Variants in LRRK2 observed in about 807,000 individuals in gnomAD.
LRRK2 encodes leucine rich repeat kinase 2.
A neutral mutation model predicts 302.6 loss-of-function variants in LRRK2; 203 were observed. The observed-to-expected ratio is 0.67, with a 90% CI of 0.60 to 0.75. LRRK2 has a LOEUF of 0.75. Ranked by LOEUF, LRRK2 falls within the 30% of genes least tolerant of loss-of-function variation. The pLI, the probability that LRRK2 is intolerant of heterozygous loss-of-function variation, is 0.00. For missense variants in LRRK2, 2,830 were observed against 2,951.0 expected (o/e 0.96, Z 0.95); for synonymous variants, 1,066 against 1,031.9 (o/e 1.03, Z -0.63).
rs558520944 is a variant in LRRK2, at chr12:40,265,598, G to A, written c.1656+1697G>A. ...GTCCTCTGAGTGAACATGTGCAGTAGCTGTACATGCTTGTTCATATATCGC... is the reference window on the plus strand; with the variant it reads ...GTCCTCTGAGTGAACATGTGCAGTAACTGTACATGCTTGTTCATATATCGC... On this transcript the variant is annotated intron_variant, in intron 14 of 50. Coordinates refer to ENST00000298910, the MANE Select transcript of LRRK2 (RefSeq NM_198578.4). Among the ~76,000 whole-genome samples, 12 of 152,252 alleles carry A rather than the reference G, an allele frequency of 7.9e-5. No individual in the cohort carries two copies. The South Asian group carries it at 2.1e-3, about 26-fold the overall frequency.
At chr12:40,331,222 A>G (rs922888218) in intron 39 of LRRK2, among the ~76,000 whole-genome samples, 5 of 152,214 alleles carry the variant, frequency 3.3e-5, no homozygotes, top group Admixed American at 2.6e-4. Context: ...GGTAACTAGA[A>G]TGGGCATTCT....
chr12:40,292,382 C>A (rs1565719240), intron 20 of LRRK2, among the ~76,000 whole-genome samples: 1 of 151,972 alleles, frequency 6.6e-6, no homozygotes, highest in East Asian at 1.9e-4. Flanking sequence ...CCTGAAAGAA[C>A]TCTCTTCAAG....
intron 5 of LRRK2, among the ~76,000 whole-genome samples, chr12:40,238,476 A>T (rs914865894): frequency 6.6e-6 from 1 of 152,230 alleles, no homozygotes; most frequent in African/African-American, 2.4e-5. Flanking sequence ...TAGAAATTGC[A>T]TAAAGAGCCT....
rs977144568 is a variant in LRRK2 at position 40,343,009 on chromosome 12, A to G, written c.6109+2555A>G. 2.6e-5 allele frequency among the ~76,000 whole-genome samples: 4 copies of G among 152,310 alleles called. No homozygotes were observed. In the South Asian group the frequency reaches 8.3e-4, roughly 32 times the overall value. Reference sequence around the variant, plus strand: ...TATTATTTCTAGTCTATAGATACAGAGACTAAAGTTTAGAGAATATAAAAA... The same window carrying G: ...TATTATTTCTAGTCTATAGATACAGGGACTAAAGTTTAGAGAATATAAAAA... On this transcript the variant is annotated intron_variant, in intron 41 of 50. Transcript: ENST00000298910.
chr12:40,332,850 G>T (rs1945751292), intron 39 of LRRK2, among the ~76,000 whole-genome samples: 1 of 150,944 alleles, frequency 6.6e-6, no homozygotes, highest in Non-Finnish European at 1.5e-5. Flanking sequence ...GTGGAAATTA[G>T]TACATTAAAA....
intron 49 of LRRK2, 34 bp downstream of exon 49, chr12:40,365,084 C>T: frequency 1.3e-6 from 2 of 1,565,774 alleles, no homozygotes; most frequent in Non-Finnish European, 1.8e-6. Flanking sequence ...TTTTCATATT[C>T]TCTAAGTCTT....
At chr12:40,276,747 T>G (rs967685491) in intron 16 of LRRK2, among the ~76,000 whole-genome samples, 2 of 152,250 alleles carry the variant, frequency 1.3e-5, no homozygotes, top group African/African-American at 4.8e-5. Flanking sequence ...AAATTAAGGC[T>G]ACTTTGCTTA....
chr12:40,349,763 C>T (rs1362880596), intron 43 of LRRK2, among the ~76,000 whole-genome samples: 5 of 152,294 alleles, frequency 3.3e-5, no homozygotes, highest in African/African-American at 4.8e-5. Context: ...GCAATCCTCC[C>T]GCCTAGGCCT....
chr12:40,245,422 T>C (rs189882253), intron 7 of LRRK2, among the ~76,000 whole-genome samples: 2 of 152,256 alleles, frequency 1.3e-5, no homozygotes, highest in Admixed American at 1.3e-4. Context: ...AAATCTGATG[T>C]TAAATATAAC....
intron 32 of LRRK2, 54 bp downstream of exon 32, chr12:40,314,227 G>C: frequency 6.6e-7 from 1 of 1,525,358 alleles, no homozygotes; most frequent in South Asian, 1.1e-5. Context: ...ACTTATAAAA[G>C]TGTTTCTGAA....
chr12:40,274,650 A>G lies in LRRK2; in HGVS notation c.1724A>G (p.Asp575Gly), dbSNP rs1400048729. ...ATTTCTTCTATTGTACATTTTCCTG[A>G]TGCATTAGAGATGTTATCCCTGGAA... is the stretch of plus-strand genomic sequence containing the variant. ...KVISSIVHFP[D>G]ALEMLSLEGA... Residue 575 changes from aspartate to glycine, a missense_variant, in exon 15 of 51, where the codon GAT becomes GGT. This residue lies in a region of LRRK2 where 2,121 missense variants were observed against 2,148.0 expected (regional missense o/e 0.99). Coordinates refer to ENST00000298910, the MANE Select transcript of LRRK2 (RefSeq NM_198578.4). The G allele has an allele frequency of 1.9e-6, 3 of 1,613,820 alleles. No homozygotes were observed. In the African/African-American group the frequency reaches 4.0e-5, roughly 22 times the overall value.
rs572096611 is a variant in LRRK2, at chr12:40,286,940, A to G, written c.2501-411A>G. 5.3e-5 allele frequency among the ~76,000 whole-genome samples: 8 copies of G among 152,148 alleles called. No homozygotes were observed. The East Asian group carries it at 1.2e-3, about 22-fold the overall frequency. ...TTGTGCTAAACATTTTATATGCATCATTTCAATTACTCTTTTTCATCACCA... is the reference window on the plus strand; with the variant it reads ...TTGTGCTAAACATTTTATATGCATCGTTTCAATTACTCTTTTTCATCACCA... On this transcript the variant is annotated intron_variant, in intron 19 of 50. Coordinates refer to ENST00000298910, the MANE Select transcript of LRRK2 (RefSeq NM_198578.4).
chr12:40,342,810 T>G (rs527658698), intron 41 of LRRK2, among the ~76,000 whole-genome samples: 1 of 152,322 alleles, frequency 6.6e-6, no homozygotes, highest in East Asian at 1.9e-4. Context: ...TTAAACCTTT[T>G]GGGTGTATTT....
At position 40,251,306 on chromosome 12, in the gene LRRK2, G is replaced by T; in HGVS notation, c.1033G>T (p.Asp345Tyr). 6.2e-7 allele frequency: 1 copy of T among 1,613,508 alleles called. No individual in the cohort carries two copies. Among genetic ancestry groups the T allele is most frequent in the Non-Finnish European group, 8.5e-7 (1 of 1,179,658 alleles). Reference sequence around the variant, plus strand: ...AGAGAATGATGATGAGGGGGAAGAAGATAAATTGTTTTGGCTGGAAGCCTG... The same window carrying T: ...AGAGAATGATGATGAGGGGGAAGAATATAAATTGTTTTGGCTGGAAGCCTG... ...NQENDDEGEE[D>Y]KLFWLEACYK... Residue 345 changes from aspartate (D) to tyrosine (Y), a missense_variant, in exon 9 of 51, where the codon GAT (aspartate) becomes TAT (tyrosine). Asp to Tyr is a radical substitution (Grantham distance 160, BLOSUM62 -3). Coordinates refer to ENST00000298910, the MANE Select transcript of LRRK2 (RefSeq NM_198578.4).
At chr12:40,327,645 C>T (rs1945592921) in intron 38 of LRRK2, among the ~76,000 whole-genome samples, 1 of 152,004 alleles carries the variant, frequency 6.6e-6, no homozygotes, top group Non-Finnish European at 1.5e-5. Flanking sequence ...GTGACACAAT[C>T]AAAGTGGAAT....
At chr12:40,239,118 T>G (rs1020111889) in intron 5 of LRRK2, among the ~76,000 whole-genome samples, 4 of 152,120 alleles carry the variant, frequency 2.6e-5, no homozygotes, top group African/African-American at 4.8e-5. Context: ...GGAGAAGCAA[T>G]TGGTCTCATG....
chr12:40,346,853 A>T lies in LRRK2; in HGVS notation c.6210A>T (p.Gly2070=), dbSNP rs149694980. 1.2e-6 allele frequency: 2 copies of T among 1,613,776 alleles called. No homozygotes were observed. The highest frequency in any genetic ancestry group is 1.7e-6 in the Non-Finnish European group (2 of 1,179,790). Residue 2070 remains glycine, a synonymous_variant, in exon 42 of 51, where the codon GGA becomes GGT. Coordinates refer to ENST00000298910, the MANE Select transcript of LRRK2 (RefSeq NM_198578.4). The part of the protein sequence containing the change: ...GLLLYDILTT[G]GRIVEGLKFP... ...TACTCTATGACATTTTGACAACTGG[A>T]GGTAGAATAGTAGAGGGTTTGAAGT...
At chr12:40,352,380 A>C (rs1184544578) in intron 44 of LRRK2, among the ~76,000 whole-genome samples, 1 of 152,070 alleles carries the variant, frequency 6.6e-6, no homozygotes, top group East Asian at 1.9e-4. Flanking sequence ...ATATAAGATA[A>C]GTTTCTAGAC....
intron 44 of LRRK2, 75 bp from the exon 45 acceptor site, chr12:40,354,224 T>A: frequency 8.2e-7 from 1 of 1,215,300 alleles, no homozygotes; most frequent in Non-Finnish European, 1.2e-6. Context: ...GATAACAGAA[T>A]CCTTTATTCT....
Sources: allele counts gnomAD v4.1 joint callset (sites outside exome capture counted in the v4.1 genomes callset), GRCh38; gene constraint gnomAD v4.1.1; regional missense constraint gnomAD v4.1.1; transcripts MANE v1.5; gene names NCBI Gene and HGNC (gene_info 2026-07-23, HGNC 2026-07-21).